The following ADAM32 variants were observed in gnomAD, a reference collection of about 807,000 sequenced individuals.
The protein encoded by ADAM32 is ADAM metallopeptidase domain 32, also known as disintegrin and metalloproteinase domain-containing protein 32.
In ADAM32, 89 loss-of-function variants were observed where a neutral mutation model predicts 114.9. The observed-to-expected ratio is 0.77, with a 90% confidence interval of 0.65 to 0.92. The LOEUF is 0.92. Among genes scored for constraint, ADAM32 ranks in the 40% least tolerant of loss-of-function variants. The probability of loss-of-function intolerance (pLI) is 0.00; values close to 1 mark genes in which losing one functional copy is unlikely to be tolerated. For synonymous variants in ADAM32, 285 were observed against 307.5 expected (o/e 0.93, Z 0.77); for missense variants, 870 against 932.8 (o/e 0.93, Z 0.88).
intron 12 of ADAM32, among the ~76,000 whole-genome samples, chr8:39,215,309 A>G (rs1025631092): frequency 1.3e-5 from 2 of 151,982 alleles, no homozygotes; most frequent in African/African-American, 2.4e-5. Context: ...TAATCCATGA[A>G]CATGGAATAT....
At chr8:39,154,604 G>T (rs1454311199) in intron 6 of ADAM32, among the ~76,000 whole-genome samples, 1 of 152,150 alleles carries the variant, frequency 6.6e-6, no homozygotes, top group Admixed American at 6.5e-5. Flanking sequence ...AGATCCTTGA[G>T]GAATTGCCAC....
rs750182100 is a variant in ADAM32, at chr8:39,136,683, A to T, written c.165A>T (p.Ile55=). ...EYEQISYIIP[I]DEKLYTVHLK... ...AACAAATATCCTATATTATTCCAAT[A>T]GATGAGAAACTGTACACTGTGCACC... The change falls in exon 3 of 25, where the codon ATA becomes ATT. Residue 55 remains isoleucine, a synonymous_variant. Transcript: ENST00000379907. The T allele has an allele frequency of 6.5e-7, 1 of 1,544,650 alleles. No homozygotes were observed. Among genetic ancestry groups the T allele is most frequent in the African/African-American group, 1.4e-5 (1 of 72,064 alleles).
intron 22 of ADAM32, among the ~76,000 whole-genome samples, chr8:39,278,625 C>T (rs1431692207): frequency 6.6e-6 from 1 of 151,606 alleles, no homozygotes; most frequent in Non-Finnish European, 1.5e-5. Context: ...ACCTACAGAA[C>T]CCTACCCTCC....
chr8:39,225,683 C>G (rs781396684), intron 14 of ADAM32, among the ~76,000 whole-genome samples: 1 of 152,176 alleles, frequency 6.6e-6, no homozygotes, highest in Non-Finnish European at 1.5e-5. Context: ...TAATGTTGAC[C>G]TCAGCTGACA....
At chr8:39,124,662 G>A (rs188857319) in intron 2 of ADAM32, among the ~76,000 whole-genome samples, 237 of 152,066 alleles carry the variant, frequency 1.6e-3, no homozygotes, top group African/African-American at 4.8e-3. Context: ...GTGATCCACC[G>A]CCTTGGCCTC....
chr8:39,277,062 A>G (rs977332474), intron 22 of ADAM32, among the ~76,000 whole-genome samples: 3 of 152,218 alleles, frequency 2.0e-5, no homozygotes, highest in Non-Finnish European at 4.4e-5. Context: ...ATCTATATAT[A>G]TATGTGTTCA....
chr8:39,266,805 C>T (rs1353015885), intron 19 of ADAM32, among the ~76,000 whole-genome samples: 2 of 152,102 alleles, frequency 1.3e-5, no homozygotes, highest in African/African-American at 2.4e-5. Context: ...TTTGAAATTG[C>T]TGTCTTTTGT....
At position 39,187,005 on chromosome 8, in the gene ADAM32, C is replaced by T; in HGVS notation, c.1012C>T (p.Gln338Ter). 1 of 1,612,960 alleles carries T rather than the reference C, an allele frequency of 6.2e-7. No individual in the cohort carries two copies. Among genetic ancestry groups the T allele is most frequent in the South Asian group, 1.1e-5 (1 of 90,948 alleles). Residue 338 changes from glutamine to a stop codon, truncating the protein, a stop_gained, in exon 11 of 25, where the codon CAA (glutamine) becomes TAA (stop). Coordinates refer to ENST00000379907, the MANE Select transcript of ADAM32 (RefSeq NM_145004.7). LOFTEE classifies it high-confidence loss of function. The part of the protein sequence containing the change: ...GISYDDPKKC[Q>*]CSESTCIMNP... Reference sequence around the variant, plus strand: ...ATCATATGACGACCCAAAGAAATGTCAATGTTCAGAATCCACCTGTATAAT... The same window carrying T: ...ATCATATGACGACCCAAAGAAATGTTAATGTTCAGAATCCACCTGTATAAT...
At chr8:39,113,812 T>C (rs1294739745) in intron 1 of ADAM32, among the ~76,000 whole-genome samples, 2 of 152,192 alleles carry the variant, frequency 1.3e-5, no homozygotes, top group Non-Finnish European at 2.9e-5. Flanking sequence ...CCCTCTGAGC[T>C]ACGACAGGAC....
intron 11 of ADAM32, among the ~76,000 whole-genome samples, chr8:39,190,884 C>T (rs1806557334): frequency 6.6e-6 from 1 of 152,068 alleles, no homozygotes; most frequent in Non-Finnish European, 1.5e-5. Context: ...GCCTAGTACC[C>T]AATAGTTTTT....
intron 16 of ADAM32, among the ~76,000 whole-genome samples, chr8:39,236,494 A>G (rs952380803): frequency 1.1e-4 from 16 of 152,174 alleles, no homozygotes; most frequent in Non-Finnish European, 1.5e-5. Context: ...TTTAAAAAAT[A>G]TACTTTACAT....
intron 18 of ADAM32, 136 bp from the exon 19 acceptor site, chr8:39,257,051 A>G: frequency 2.0e-6 from 2 of 976,260 alleles, no homozygotes; most frequent in South Asian, 4.0e-5. Context: ...TATGATTACA[A>G]TTCTATAATG....
chr8:39,193,297 A>G (rs959647327), intron 11 of ADAM32, among the ~76,000 whole-genome samples: 1 of 152,112 alleles, frequency 6.6e-6, no homozygotes, highest in African/African-American at 2.4e-5. Flanking sequence ...TTCTGCTCTT[A>G]ATAGTTGCAA....
chr8:39,277,661 T>A (rs1813162397), intron 22 of ADAM32, among the ~76,000 whole-genome samples: 2 of 152,146 alleles, frequency 1.3e-5, no homozygotes, highest in Admixed American at 1.3e-4. Flanking sequence ...CTGGGCGGGA[T>A]CAAACTCCAC....
intron 2 of ADAM32, among the ~76,000 whole-genome samples, chr8:39,126,574 G>T (rs1802128835): frequency 6.6e-6 from 1 of 152,092 alleles, no homozygotes; most frequent in Non-Finnish European, 1.5e-5. Context: ...AGAAGCTTTT[G>T]GGCTGAGAGG....
intron 12 of ADAM32, among the ~76,000 whole-genome samples, chr8:39,216,471 C>A (rs118158319): frequency 6.6e-6 from 1 of 151,546 alleles, no homozygotes; most frequent in Admixed American, 6.6e-5. Flanking sequence ...CCTTTCCTTT[C>A]CCCTTTCTCC....
At chr8:39,204,465 A>C (rs1465322967) in intron 11 of ADAM32, among the ~76,000 whole-genome samples, 1 of 152,178 alleles carries the variant, frequency 6.6e-6, no homozygotes, top group African/African-American at 2.4e-5. Context: ...TTCTCGTGCC[A>C]TGGTTTTCAG....
chr8:39,283,768 A>ATT, intron 24 of ADAM32, 144 bp downstream of exon 24: 11 of 350,938 alleles, frequency 3.1e-5, no homozygotes, highest in South Asian at 1.4e-4. Context: ...TCTTTCTTTT[A>ATT]TTCTTTTTTT....
At chr8:39,215,694 T>A (rs1808508456) in intron 12 of ADAM32, among the ~76,000 whole-genome samples, 1 of 152,092 alleles carries the variant, frequency 6.6e-6, no homozygotes, top group African/African-American at 2.4e-5. Flanking sequence ...TTGTAATAGT[T>A]TTCAAAATTC....
Sources: gnomAD v4.1 joint callset for allele counts (sites outside exome capture counted in the v4.1 genomes callset) on GRCh38, gnomAD v4.1.1 for gene constraint, MANE v1.5 for transcripts, NCBI Gene and HGNC (gene_info 2026-07-23, HGNC 2026-07-21) for gene names.